The following LHFPL2 variants were observed in gnomAD, a reference collection of about 807,000 sequenced individuals.
LHFPL2 encodes the protein LHFPL tetraspan subfamily member 2 protein.
Under a neutral mutation model 17.5 loss-of-function variants are expected in LHFPL2, and 7 were observed. The ratio of observed to expected loss-of-function variants is 0.40; its 90% confidence interval spans 0.23 to 0.75. The LOEUF (loss-of-function observed/expected upper bound fraction) is 0.75, where lower values mean the gene tolerates loss of function less well. LHFPL2 is among the 30% of genes least tolerant of loss of function. The pLI, the probability that LHFPL2 is intolerant of heterozygous loss-of-function variation, is 0.37. For synonymous variants in LHFPL2, 134 were observed against 116.2 expected, an observed-to-expected ratio of 1.15 and a Z score of -0.99; for missense variants, 241 against 294.8, an observed-to-expected ratio of 0.82 and a Z score of 1.34.
intron 2 of LHFPL2, among the ~76,000 whole-genome samples, chr5:78,604,484 CA>C (rs1433177514): frequency 6.6e-6 from 1 of 151,550 alleles, no homozygotes; most frequent in Non-Finnish European, 1.5e-5. Context: ...GATCCCGTCT[CA>C]AAAAACAAAA....
intron 3 of LHFPL2, among the ~76,000 whole-genome samples, chr5:78,542,418 G>A (rs368446899): frequency 1.3e-4 from 20 of 152,134 alleles, no homozygotes; most frequent in African/African-American, 4.6e-4. Context: ...GGCTTCCTGG[G>A]ACTTCCAGGA....
At chr5:78,622,631 T>A (rs1744896648) in intron 2 of LHFPL2, among the ~76,000 whole-genome samples, 1 of 152,170 alleles carries the variant, frequency 6.6e-6, no homozygotes, top group Admixed American at 6.5e-5. Context: ...GGAGGGGCTG[T>A]CTCCCAAGCA....
rs576975407 is a variant in LHFPL2, at chr5:78,524,576, CACTAAAAAT to C, written c.-185-14187_-185-14179del. ...GGACAAAATGGTGAAACCCCACCTC[CACTAAAAAT>C]ACAAAAATTAGCCAGGTGTGGTGGC... On this transcript the variant is annotated intron_variant, in intron 3 of 4. Coordinates refer to ENST00000380345, the MANE Select transcript of LHFPL2 (RefSeq NM_005779.3). 2.6e-3 allele frequency among the ~76,000 whole-genome samples: 398 copies of C among 152,024 alleles called. 1 individual carries two copies. Among genetic ancestry groups the C allele is most frequent in the African/African-American group, 8.1e-3 (337 of 41,484 alleles).
chr5:78,557,694 AGG>A lies in LHFPL2; in HGVS notation c.-186+7117_-186+7118del, dbSNP rs144442571. ...TTATAGAACAATTTGGATCAAAATC[AGG>A]TACGTTTCCAAGTTCATTCGGACTT... On this transcript the variant is annotated intron_variant, in intron 3 of 4. Coordinates refer to ENST00000380345, the MANE Select transcript of LHFPL2 (RefSeq NM_005779.3). 6.8e-3 allele frequency among the ~76,000 whole-genome samples: 1,043 copies of A among 152,338 alleles called. 14 individuals are homozygous for A. Among genetic ancestry groups the A allele is most frequent in the African/African-American group, 0.024 (1,006 of 41,584 alleles).
chr5:78,573,250 A>G (rs926396976), intron 2 of LHFPL2, among the ~76,000 whole-genome samples: 3 of 152,186 alleles, frequency 2.0e-5, no homozygotes, highest in African/African-American at 4.8e-5. Flanking sequence ...CTTAAACCCA[A>G]TCCATGAGGA....
At chr5:78,508,654 G>A (rs1265469030) in intron 4 of LHFPL2, among the ~76,000 whole-genome samples, 1 of 152,186 alleles carries the variant, frequency 6.6e-6, no homozygotes, top group African/African-American at 2.4e-5. Context: ...GAGTGAATTC[G>A]TTTGGGGGCT....
chr5:78,553,309 C>T (rs1243483681), intron 3 of LHFPL2, among the ~76,000 whole-genome samples: 1 of 152,144 alleles, frequency 6.6e-6, no homozygotes, highest in African/African-American at 2.4e-5. Flanking sequence ...TTTCAAGGCC[C>T]AATTGAGAAG....
At chr5:78,623,746 C>T (rs1249597560) in intron 2 of LHFPL2, among the ~76,000 whole-genome samples, 1 of 152,148 alleles carries the variant, frequency 6.6e-6, no homozygotes, top group Non-Finnish European at 1.5e-5. Flanking sequence ...TCCAAATAAG[C>T]CATTTTTTAT....
At chr5:78,513,030 T>C (rs7719370) in intron 3 of LHFPL2, among the ~76,000 whole-genome samples, 135,838 of 152,202 alleles carry the variant, frequency 0.89, 60,819 homozygotes, top group African/African-American at 0.95. Context: ...GCTAGGATTA[T>C]AGGCGTGTGC....
intron 2 of LHFPL2, among the ~76,000 whole-genome samples, chr5:78,604,044 A>T (rs1207051897): frequency 3.3e-5 from 5 of 152,196 alleles, no homozygotes; most frequent in Admixed American, 3.3e-4. Flanking sequence ...TCTCTAAAAA[A>T]TTAATTAATT....
At chr5:78,501,500 A>C (rs1203439521) in intron 4 of LHFPL2, among the ~76,000 whole-genome samples, 1 of 152,166 alleles carries the variant, frequency 6.6e-6, no homozygotes, top group African/African-American at 2.4e-5. Context: ...AAGCCTATTT[A>C]TTTACTGTGC....
intron 2 of LHFPL2, among the ~76,000 whole-genome samples, chr5:78,572,088 T>C (rs970281039): frequency 5.3e-5 from 8 of 152,118 alleles, no homozygotes; most frequent in Non-Finnish European, 2.9e-5. Context: ...TTTTGCTCTG[T>C]TGAAGCTTTT....
intron 1 of LHFPL2, among the ~76,000 whole-genome samples, chr5:78,641,048 C>T (rs931490111): frequency 7.2e-5 from 11 of 152,178 alleles, no homozygotes; most frequent in African/African-American, 2.7e-4. Context: ...AGAGCCTGGC[C>T]ACCCTCTCTA....
intron 4 of LHFPL2, among the ~76,000 whole-genome samples, chr5:78,493,265 C>T (rs753364511): frequency 5.3e-5 from 8 of 152,196 alleles, no homozygotes; most frequent in Non-Finnish European, 1.2e-4. Flanking sequence ...TGTCTGAGCC[C>T]AGCCTGGCCC....
At chr5:78,581,021 C>T (rs1360706059) in intron 2 of LHFPL2, among the ~76,000 whole-genome samples, 7 of 152,070 alleles carry the variant, frequency 4.6e-5, no homozygotes, top group Admixed American at 2.0e-4. Context: ...CTTTTATTTC[C>T]TTGAGCAGTG....
chr5:78,642,122 A>G (rs994532717), intron 1 of LHFPL2: 2 of 152,002 alleles, frequency 1.3e-5, no homozygotes, highest in African/African-American at 4.8e-5. Flanking sequence ...ATCCTCACAC[A>G]CTGGAGAGTG....
At chr5:78,613,620 ACCT>A (rs936745820) in intron 2 of LHFPL2, among the ~76,000 whole-genome samples, 1 of 151,930 alleles carries the variant, frequency 6.6e-6, no homozygotes, top group African/African-American at 2.4e-5. Flanking sequence ...CATGAGGTCA[ACCT>A]CCTCCTATTA....
At chr5:78,578,850 T>A (rs1757204121) in intron 2 of LHFPL2, among the ~76,000 whole-genome samples, 1 of 152,192 alleles carries the variant, frequency 6.6e-6, no homozygotes, top group African/African-American at 2.4e-5. Flanking sequence ...CCCAGCTACC[T>A]GTCTTGTAAC....
At chr5:78,611,561 T>C (rs1242423284) in intron 2 of LHFPL2, among the ~76,000 whole-genome samples, 1 of 152,214 alleles carries the variant, frequency 6.6e-6, no homozygotes, top group Admixed American at 6.5e-5. Flanking sequence ...GGGCTGAGGA[T>C]CAGAAAGGCT....
Sources: allele counts gnomAD v4.1 joint callset (sites outside exome capture counted in the v4.1 genomes callset), GRCh38; gene constraint gnomAD v4.1.1; transcripts MANE v1.5; gene names NCBI Gene and HGNC (gene_info 2026-07-23, HGNC 2026-07-21).